Variants in LUZP2 observed in about 807,000 individuals in gnomAD.
LUZP2 encodes the protein leucine zipper protein 2.
Under a neutral mutation model 51.6 loss-of-function variants are expected in LUZP2, and 52 were observed. The ratio of observed to expected loss-of-function variants is 1.01; its 90% CI spans 0.81 to 1.27. The LOEUF (loss-of-function observed/expected upper bound fraction) is 1.27. Ranked by LOEUF, LUZP2 falls within the 50% of genes most tolerant of loss-of-function variation. The probability of loss-of-function intolerance (pLI) is 0.00; values close to 1 mark genes in which losing one functional copy is unlikely to be tolerated. For missense variants in LUZP2, 436 were observed against 395.4 expected (o/e 1.10, Z -0.87); for synonymous variants, 154 against 137.3 (o/e 1.12, Z -0.85).
intron 9 of LUZP2, among the ~76,000 whole-genome samples, chr11:24,989,860 T>G (rs1323405421): frequency 6.6e-6 from 1 of 152,152 alleles, no homozygotes; most frequent in East Asian, 1.9e-4. Flanking sequence ...CTGGTAGTTC[T>G]AAAATCAGGT....
chr11:24,595,753 G>T (rs966511463), intron 1 of LUZP2, among the ~76,000 whole-genome samples: 13 of 152,132 alleles, frequency 8.5e-5, no homozygotes, highest in Non-Finnish European at 1.5e-4. Context: ...TTACTGCTTT[G>T]CCTATTCAAT....
chr11:24,845,898 G>A (rs186150265), intron 5 of LUZP2, among the ~76,000 whole-genome samples: 28 of 151,920 alleles, frequency 1.8e-4, no homozygotes, highest in African/African-American at 6.8e-4. Flanking sequence ...TCAGCAGTCT[G>A]GAAACGGACT....
At chr11:24,540,405 T>A (rs1052170594) in intron 1 of LUZP2, among the ~76,000 whole-genome samples, 9 of 152,112 alleles carry the variant, frequency 5.9e-5, no homozygotes, top group African/African-American at 2.2e-4. Flanking sequence ...ATAGGTTTAA[T>A]AACCTAATAA....
chr11:24,954,746 C>A (rs982490157), intron 7 of LUZP2, among the ~76,000 whole-genome samples: 1 of 151,960 alleles, frequency 6.6e-6, no homozygotes, highest in African/African-American at 2.4e-5. Flanking sequence ...TACATCCACA[C>A]CATACCAATC....
intron 7 of LUZP2, among the ~76,000 whole-genome samples, chr11:24,955,718 C>A (rs905506029): frequency 2.6e-5 from 4 of 151,890 alleles, no homozygotes; most frequent in African/African-American, 9.7e-5. Context: ...GGATATAAGG[C>A]AACATTATTA....
intron 7 of LUZP2, among the ~76,000 whole-genome samples, chr11:24,966,632 A>G (rs971865463): frequency 2.0e-5 from 3 of 148,254 alleles, no homozygotes; most frequent in Non-Finnish European, 4.5e-5. Flanking sequence ...ATAATGGCTG[A>G]TATATTATAT....
At chr11:24,829,677 G>C (rs1850642353) in intron 5 of LUZP2, among the ~76,000 whole-genome samples, 2 of 152,256 alleles carry the variant, frequency 1.3e-5, no homozygotes, top group African/African-American at 4.8e-5. Context: ...TTGATAAATT[G>C]CAGAAATAAA....
chr11:24,514,281 A>G (rs1850397544), intron 1 of LUZP2, among the ~76,000 whole-genome samples: 1 of 152,216 alleles, frequency 6.6e-6, no homozygotes, highest in Non-Finnish European at 1.5e-5. Flanking sequence ...AAAGAGAGAA[A>G]GAAATAGATG....
At chr11:24,570,138 A>T (rs1852386471) in intron 1 of LUZP2, among the ~76,000 whole-genome samples, 1 of 152,032 alleles carries the variant, frequency 6.6e-6, no homozygotes, top group African/African-American at 2.4e-5. Flanking sequence ...AGCTAAGGAA[A>T]AACAAACTAG....
At chr11:24,877,535 T>G (rs1852311999) in intron 5 of LUZP2, among the ~76,000 whole-genome samples, 1 of 152,136 alleles carries the variant, frequency 6.6e-6, no homozygotes, top group Non-Finnish European at 1.5e-5. Flanking sequence ...TGTAAAGTAA[T>G]CACATCATGG....
At chr11:24,909,779 T>C (rs1444737156) in intron 6 of LUZP2, among the ~76,000 whole-genome samples, 1 of 152,174 alleles carries the variant, frequency 6.6e-6, no homozygotes, top group East Asian at 1.9e-4. Flanking sequence ...TATTTCTTTA[T>C]GAGCAGTGTG....
At chr11:24,932,846 T>TTCAG in intron 7 of LUZP2, among the ~76,000 whole-genome samples, 1 of 152,316 alleles carries the variant, frequency 6.6e-6, no homozygotes, top group East Asian at 1.9e-4. Context: ...AAACTCTGCA[T>TTCAG]TCAGTCAGAA....
intron 5 of LUZP2, among the ~76,000 whole-genome samples, chr11:24,791,441 T>C (rs1255222262): frequency 1.3e-5 from 2 of 152,166 alleles, no homozygotes; most frequent in Non-Finnish European, 2.9e-5. Flanking sequence ...GTGGATTTAG[T>C]ACATGTACAT....
At chr11:24,709,721 TAC>T (rs1857744110) in intron 1 of LUZP2, among the ~76,000 whole-genome samples, 1 of 152,170 alleles carries the variant, frequency 6.6e-6, no homozygotes, top group African/African-American at 2.4e-5. Context: ...GAGGAATGTA[TAC>T]AGCCTTCCAT....
chr11:24,614,995 C>T (rs966076884), intron 1 of LUZP2, among the ~76,000 whole-genome samples: 1 of 151,756 alleles, frequency 6.6e-6, no homozygotes, highest in African/African-American at 2.4e-5. Context: ...AAGTTTACTG[C>T]CTGTCATTAA....
intron 5 of LUZP2, among the ~76,000 whole-genome samples, chr11:24,835,020 A>G (rs1208099345): frequency 6.6e-6 from 1 of 152,166 alleles, no homozygotes; most frequent in Non-Finnish European, 1.5e-5. Context: ...TCAGATTGCA[A>G]AAGTTTTCTC....
At chr11:24,863,991 AAAT>A (rs1432246126) in intron 5 of LUZP2, among the ~76,000 whole-genome samples, 2 of 148,452 alleles carry the variant, frequency 1.3e-5, no homozygotes, top group African/African-American at 2.5e-5. Flanking sequence ...TTAGTGGAAA[AAAT>A]AATAAAAATT....
chr11:25,020,607 A>T (rs564850139), intron 9 of LUZP2, among the ~76,000 whole-genome samples: 1 of 152,174 alleles, frequency 6.6e-6, no homozygotes, highest in African/African-American at 2.4e-5. Flanking sequence ...ATAGCAATAA[A>T]TTGATTCTGT....
At chr11:24,571,992 C>T (rs1043935598) in intron 1 of LUZP2, among the ~76,000 whole-genome samples, 3 of 151,782 alleles carry the variant, frequency 2.0e-5, no homozygotes, top group African/African-American at 7.3e-5. Flanking sequence ...TGCTAATAAG[C>T]AAGAAAAATT....
Sources: gnomAD v4.1 joint callset for allele counts (sites outside exome capture counted in the v4.1 genomes callset) on GRCh38, gnomAD v4.1.1 for gene constraint, MANE v1.5 for transcripts, NCBI Gene and HGNC (gene_info 2026-07-23, HGNC 2026-07-21) for gene names.